VPS8: variants seen among roughly 807,000 people sequenced by gnomAD.
VPS8 encodes the protein VPS8 subunit of CORVET complex.
Under a neutral mutation model 216.4 loss-of-function variants are expected in VPS8, and 129 were observed. The observed-to-expected ratio is 0.60, with a 90% CI of 0.52 to 0.69. The LOEUF is 0.69. VPS8 is among the 30% of genes least tolerant of loss of function. The probability of loss-of-function intolerance (pLI) is 0.00; values close to 1 mark genes in which losing one functional copy is unlikely to be tolerated. For synonymous variants in VPS8, 571 were observed against 565.4 expected (o/e 1.01, Z -0.14); for missense variants, 1,531 against 1,683.5 (o/e 0.91, Z 1.59).
chr3:184,821,500 C>T (rs1179674310), intron 1 of VPS8, among the ~76,000 whole-genome samples: 1 of 151,968 alleles, frequency 6.6e-6, no homozygotes, highest in African/African-American at 2.4e-5. Flanking sequence ...CACGCCACCA[C>T]GCTTGGCTAA....
intron 36 of VPS8, among the ~76,000 whole-genome samples, chr3:184,945,703 C>A (rs764758899): frequency 4.6e-5 from 7 of 152,144 alleles, no homozygotes; most frequent in African/African-American, 7.2e-5. Flanking sequence ...CAGGTTCTTC[C>A]TGCTACACGG....
chr3:185,043,452 T>A (rs1292735647), intron 46 of VPS8, among the ~76,000 whole-genome samples: 3 of 152,218 alleles, frequency 2.0e-5, no homozygotes, highest in Non-Finnish European at 4.4e-5. Context: ...GAGATTTCCC[T>A]GTTTGTAGTT....
chr3:184,966,656 CTTT>C lies in VPS8; in HGVS notation c.3274-12_3274-10del. On this transcript the variant is annotated splice_polypyrimidine_tract_variant and intron_variant, in intron 38 of 47. Transcript: ENST00000625842. ...AGTGTTCCTTTTTAACTCCTATGTTCTTTTTATCTCCTAGAGACTACAAAGCAA... is the reference window on the plus strand; with the variant it reads ...AGTGTTCCTTTTTAACTCCTATGTTCTTATCTCCTAGAGACTACAAAGCAA... The C allele has an allele frequency of 6.5e-7, 1 of 1,546,040 alleles. No individual in the cohort carries two copies. Among genetic ancestry groups the C allele is most frequent in the Non-Finnish European group, 8.8e-7 (1 of 1,138,188 alleles).
chr3:184,924,948 C>T lies in VPS8; in HGVS notation c.2541C>T (p.Asn847=), dbSNP rs1739307530. ...FLARQLAKPD[N]TLFVNRTLFD... Reference sequence around the variant, plus strand: ...CTCGGCAGCTTGCAAAGCCTGACAACACCTTGTTTGTAAACAGAACACTTT... The same window carrying T: ...CTCGGCAGCTTGCAAAGCCTGACAATACCTTGTTTGTAAACAGAACACTTT... The change falls in exon 30 of 48, where the codon AAC becomes AAT. Residue 847 remains asparagine, a synonymous_variant. Transcript: ENST00000625842. The T allele has an allele frequency of 6.2e-7, 1 of 1,613,674 alleles. No individual in the cohort carries two copies. The highest frequency in any genetic ancestry group is 1.3e-5 in the African/African-American group (1 of 74,886).
intron 1 of VPS8, chr3:184,816,130 T>C (rs1716272423): frequency 2.0e-5 from 3 of 152,204 alleles, no homozygotes; most frequent in South Asian, 2.1e-4. Context: ...GACAGTATTA[T>C]AGAAGCTGGA....
chr3:184,926,261 C>T (rs1392942964), intron 30 of VPS8, among the ~76,000 whole-genome samples: 2 of 151,724 alleles, frequency 1.3e-5, no homozygotes, highest in Non-Finnish European at 2.9e-5. Flanking sequence ...CCTGTAGTCC[C>T]AGCTACTCGG....
At chr3:184,940,270 T>TTATATATA (rs5855048) in intron 36 of VPS8, 27 bp downstream of exon 36, 10,089 of 574,756 alleles carry the variant, frequency 0.018, 51 homozygotes, top group Non-Finnish European at 0.021. Context: ...TAGTCTTTCA[T>TTATATATA]TATATATATA....
intron 8 of VPS8, among the ~76,000 whole-genome samples, chr3:184,848,564 CTTTTTTTTTTT>C (rs35715889): frequency 5.7e-5 from 5 of 87,204 alleles, no homozygotes; most frequent in Non-Finnish European, 1.1e-4. Context: ...TTCCTGTATT[CTTTTTTTTTTT>C]TTTTTTTTTT....
At position 184,833,391 on chromosome 3, in the gene VPS8, A is replaced by C. The variant is rs549317453; in HGVS notation, c.353+572A>C. The stretch of plus-strand genomic sequence containing the variant: ...GAATTCACGTGTAACTTTAATATTG[A>C]TAAAGTGATCTGTTTTTCTTCTTCT... On this transcript the variant is annotated intron_variant, in intron 4 of 47. Transcript: ENST00000625842. Among the ~76,000 whole-genome samples the C allele has an allele frequency of 2.9e-4, 44 of 152,312 alleles. No homozygotes were observed. The South Asian group carries it at 8.5e-3, about 29-fold the overall frequency.
chr3:184,851,146 T>C (rs1724166978), intron 10 of VPS8, among the ~76,000 whole-genome samples: 1 of 152,204 alleles, frequency 6.6e-6, no homozygotes, highest in African/African-American at 2.4e-5. Context: ...TGGTGGTGTT[T>C]ATACAAGAGA....
chr3:185,007,790 T>C (rs1345208597), intron 45 of VPS8, among the ~76,000 whole-genome samples: 1 of 152,188 alleles, frequency 6.6e-6, no homozygotes, highest in Non-Finnish European at 1.5e-5. Context: ...AATGTACAAA[T>C]AATGCTAGGA....
chr3:184,890,232 A>G (rs1732094653), intron 22 of VPS8, among the ~76,000 whole-genome samples: 1 of 152,180 alleles, frequency 6.6e-6, no homozygotes, highest in South Asian at 2.1e-4. Flanking sequence ...AATTAGCAAA[A>G]TATCTGTGAC....
Position 184,999,797 on chromosome 3 carries a change from A to G in VPS8, c.3938A>G (p.Asn1313Ser). 6.2e-7 allele frequency: 1 copy of G among 1,613,180 alleles called. No homozygotes were observed. Among genetic ancestry groups the G allele is most frequent in the Non-Finnish European group, 8.5e-7 (1 of 1,179,544 alleles). Residue 1313 changes from asparagine (N) to serine (S), a missense_variant, in exon 45 of 48, where the codon AAC becomes AGC. By Grantham distance (46) the Asn-to-Ser change is conservative. Coordinates refer to ENST00000625842, the MANE Select transcript of VPS8 (RefSeq NM_001009921.3). ...ACATGCTACAAATGCAGTTCAAGTA[A>G]CAAAGTAGGAAAACTCAGTGAAAAT... ...RWTCYKCSSS[N>S]KVGKLSENSS...
At chr3:184,913,593 A>G (rs769385713) in intron 26 of VPS8, 32 bp downstream of exon 26, 7 of 1,507,394 alleles carry the variant, frequency 4.6e-6, no homozygotes, top group Non-Finnish European at 6.3e-6. Flanking sequence ...ATCTGCATGT[A>G]TGTTCTTTCT....
rs1343970721 is a variant in VPS8, at chr3:185,051,929, A to T, written c.4191A>T (p.Pro1397=). The change falls in exon 48 of 48, where the codon CCA becomes CCT. Residue 1397 remains proline, a synonymous_variant. Transcript: ENST00000625842. ...ATCGCAGCAGCGAGAGCTATAGGCCATTCAGTGGCTCGCAGAGTGCTCCTG... is the reference window on the plus strand; with the variant it reads ...ATCGCAGCAGCGAGAGCTATAGGCCTTTCAGTGGCTCGCAGAGTGCTCCTG... ...SQNRSSESYR[P]FSGSQSAPAF... 1.9e-6 allele frequency: 3 copies of T among 1,613,462 alleles called. No individual in the cohort carries two copies. The highest frequency in any genetic ancestry group is 2.7e-5 in the African/African-American group (2 of 74,936).
intron 9 of VPS8, chr3:184,849,633 C>T (rs1223305935): frequency 5.4e-5 from 17 of 312,780 alleles, no homozygotes; most frequent in East Asian, 2.2e-4. Flanking sequence ...TAAGCCTTTC[C>T]GATACTTTTT....
At position 184,925,098 on chromosome 3, in the gene VPS8, G is replaced by T. The variant is rs1739343297; in HGVS notation, c.2574+117G>T. 2.9e-6 allele frequency: 4 copies of T among 1,377,766 alleles called. No homozygotes were observed. In the South Asian group the frequency reaches 4.5e-5, roughly 15 times the overall value. The allele number at this position is 1,377,766 out of a possible 1,614,324, so 85.3% of individuals were successfully genotyped here. ...TGGGTAAATACCTTATCAAGGAGAG[G>T]CCTGTTCAGGTTTTGGATCTAAGTT... is the stretch of plus-strand genomic sequence containing the variant. On this transcript the variant is annotated intron_variant, in intron 30 of 47. Transcript: ENST00000625842.
rs192954819 is a variant in VPS8, at chr3:185,038,692, A to G, written c.4057-9787A>G. Among the ~76,000 whole-genome samples, 3 of 152,340 alleles carry G rather than the reference A, an allele frequency of 2.0e-5. No individual in the cohort carries two copies. The East Asian group carries it at 5.8e-4, about 29-fold the overall frequency. ...GAACCTACTTCTTTCCCAAGGAAAA[A>G]TCTCTGAGCTGGGGCTCTGGAGCTG... On this transcript the variant is annotated intron_variant, in intron 46 of 47. Transcript: ENST00000625842.
At chr3:184,826,661 A>G (rs981323966) in intron 3 of VPS8, among the ~76,000 whole-genome samples, 5 of 152,206 alleles carry the variant, frequency 3.3e-5, no homozygotes, top group Non-Finnish European at 7.3e-5. Flanking sequence ...TGCAAAATTT[A>G]TGTCACTTTT....
Sources: allele counts gnomAD v4.1 joint callset (sites outside exome capture counted in the v4.1 genomes callset), GRCh38; gene constraint gnomAD v4.1.1; transcripts MANE v1.5; gene names NCBI Gene and HGNC (gene_info 2026-07-23, HGNC 2026-07-21).